The following GPC6 variants were observed in gnomAD, a reference collection of about 807,000 sequenced individuals.
GPC6 encodes glypican 6.
A neutral mutation model predicts 55.2 loss-of-function variants in GPC6; 14 were observed. The observed-to-expected ratio is 0.25, with a 90% CI of 0.17 to 0.40. The LOEUF is 0.40. Ranked by LOEUF, GPC6 falls within the 10% of genes least tolerant of loss-of-function variation. GPC6 has a pLI of 1.00. For missense variants in GPC6, 641 were observed against 708.5 expected, an observed-to-expected ratio of 0.90 and a Z score of 1.08; for synonymous variants, 278 against 259.6, an observed-to-expected ratio of 1.07 and a Z score of -0.68.
intron 3 of GPC6, among the ~76,000 whole-genome samples, chr13:93,883,097 C>T (rs1875095983): frequency 6.6e-6 from 1 of 150,908 alleles, no homozygotes; most frequent in Non-Finnish European, 1.5e-5. Context: ...ACTGCAGCTT[C>T]CTCTTCTGTC....
chr13:93,430,675 A>G (rs1457649028), intron 1 of GPC6, among the ~76,000 whole-genome samples: 1 of 152,162 alleles, frequency 6.6e-6, no homozygotes, highest in Admixed American at 6.6e-5. Context: ...ACCAATAGTA[A>G]TAGCAAACAT....
chr13:93,377,470 T>G (rs1594129181), intron 1 of GPC6, among the ~76,000 whole-genome samples: 2 of 152,138 alleles, frequency 1.3e-5, no homozygotes, highest in East Asian at 3.9e-4. Context: ...CCTAGAGGGA[T>G]TTGTTGGTGG....
At chr13:93,458,602 G>A (rs778571235) in intron 1 of GPC6, among the ~76,000 whole-genome samples, 2 of 152,110 alleles carry the variant, frequency 1.3e-5, no homozygotes, top group Non-Finnish European at 2.9e-5. Flanking sequence ...ATGATGGAAC[G>A]TAGAAAATTG....
chr13:93,677,660 C>T (rs1295970318), intron 2 of GPC6, among the ~76,000 whole-genome samples: 1 of 152,038 alleles, frequency 6.6e-6, no homozygotes, highest in East Asian at 1.9e-4. Context: ...CCACATAAAT[C>T]ACTTTTACTC....
chr13:93,715,851 T>G (rs1353514690), intron 2 of GPC6, among the ~76,000 whole-genome samples: 2 of 151,588 alleles, frequency 1.3e-5, no homozygotes, highest in Non-Finnish European at 3.0e-5. Context: ...CCTACAGAAT[T>G]AGAAATGTAT....
In GPC6 at chr13:93,529,510, CTTTTTTTTTTTT is replaced by C. The variant is rs1165594323; in HGVS notation, c.161-15741_161-15730del. Among the ~76,000 whole-genome samples, 31 of 85,180 alleles carry C rather than the reference CTTTTTTTTTTTT, an allele frequency of 3.6e-4. 1 individual carries two copies. The highest frequency in any genetic ancestry group is 7.0e-4 in the East Asian group (2 of 2,872). 55.9% of individuals were successfully genotyped at this position (85,180 alleles called of 152,430 possible). A position where few individuals can be genotyped will look rare whatever the true frequency, so the allele number is the denominator to read the frequency against. On this transcript the variant is annotated intron_variant, in intron 1 of 8. Transcript: ENST00000377047. The stretch of plus-strand genomic sequence containing the variant: ...TCCTTCCATAGTGGACTCTGAGATT[CTTTTTTTTTTTT>C]TTTTTTTTTTTGAGATGGAGTCTCA...
chr13:93,552,480 GTCTC>G (rs61674043), intron 2 of GPC6, among the ~76,000 whole-genome samples: 2,532 of 146,870 alleles, frequency 0.017, 57 homozygotes, highest in African/African-American at 0.057. Context: ...CTGTCTCTCT[GTCTC>G]TCTCTCTCTC....
At chr13:93,546,597 GA>G (rs1183664148) in intron 2 of GPC6, among the ~76,000 whole-genome samples, 2 of 152,284 alleles carry the variant, frequency 1.3e-5, no homozygotes, top group Non-Finnish European at 2.9e-5. Flanking sequence ...GGATGTATAT[GA>G]AAATAATTTT....
At chr13:93,964,775 G>A (rs1037624118) in intron 3 of GPC6, among the ~76,000 whole-genome samples, 9 of 152,148 alleles carry the variant, frequency 5.9e-5, no homozygotes, top group Admixed American at 6.5e-5. Flanking sequence ...AGTGACTGGC[G>A]TTGTTATCAT....
At chr13:93,339,078 A>G (rs1880145135) in intron 1 of GPC6, among the ~76,000 whole-genome samples, 1 of 152,186 alleles carries the variant, frequency 6.6e-6, no homozygotes, top group Admixed American at 6.5e-5. Context: ...ATCATTTGGA[A>G]ATAGCCCATT....
At chr13:94,114,081 T>A (rs2138843622) in intron 4 of GPC6, among the ~76,000 whole-genome samples, 1 of 136,146 alleles carries the variant, frequency 7.3e-6, no homozygotes, top group Non-Finnish European at 1.5e-5. Flanking sequence ...ACTAAGGTTT[T>A]TACCTTAGCT....
At chr13:94,007,966 G>A (rs1048441942) in intron 3 of GPC6, among the ~76,000 whole-genome samples, 1 of 151,992 alleles carries the variant, frequency 6.6e-6, no homozygotes, top group Non-Finnish European at 1.5e-5. Flanking sequence ...CCCAAACAAA[G>A]CATCTGTTTT....
At position 93,227,918 on chromosome 13, in the gene GPC6, C is replaced by T. The variant is rs1277352892; in HGVS notation, c.160+302C>T. ...GGCTCAGGCCCGGCTGGCCAGGGAG[C>T]CCGGGTCACTCCGGGGCGGCTGCAA... On this transcript the variant is annotated intron_variant, in intron 1 of 8. Transcript: ENST00000377047. The surrounding 1 kb of genome is among the most constrained non-coding windows in gnomAD (Gnocchi z 4.3). Among the ~76,000 whole-genome samples the T allele has an allele frequency of 1.3e-5, 2 of 152,140 alleles. No individual in the cohort carries two copies. The highest frequency in any genetic ancestry group is 1.9e-4 in the East Asian group (1 of 5,130).
chr13:93,801,738 T>C (rs1009261509), intron 2 of GPC6, among the ~76,000 whole-genome samples: 3 of 152,214 alleles, frequency 2.0e-5, no homozygotes, highest in African/African-American at 4.8e-5. Flanking sequence ...AAGGGTCCAA[T>C]TGGGAATTCT....
chr13:93,302,339 T>C (rs567246662), intron 1 of GPC6, among the ~76,000 whole-genome samples: 2 of 152,334 alleles, frequency 1.3e-5, no homozygotes, highest in South Asian at 4.1e-4. Flanking sequence ...ATTTCTGGAA[T>C]ACCATCCATG....
At chr13:93,892,090 TAC>T (rs1166159170) in intron 3 of GPC6, among the ~76,000 whole-genome samples, 1 of 152,214 alleles carries the variant, frequency 6.6e-6, no homozygotes, top group East Asian at 1.9e-4. Context: ...ACACTACACA[TAC>T]ACACATATAT....
intron 1 of GPC6, among the ~76,000 whole-genome samples, chr13:93,477,917 C>G (rs12871207): frequency 0.24 from 37,069 of 151,926 alleles, 4,938 homozygotes; most frequent in Middle Eastern, 0.32. Context: ...AACATAGTAC[C>G]GTATATGAGC....
chr13:93,642,278 G>A (rs1879982946), intron 2 of GPC6, among the ~76,000 whole-genome samples: 1 of 152,068 alleles, frequency 6.6e-6, no homozygotes, highest in Non-Finnish European at 1.5e-5. Context: ...GTTCACTTAA[G>A]ATAATGGCCT....
intron 4 of GPC6, among the ~76,000 whole-genome samples, chr13:94,043,931 G>A (rs955299008): frequency 6.6e-6 from 1 of 151,742 alleles, no homozygotes; most frequent in Admixed American, 6.6e-5. Flanking sequence ...ATATTCATTG[G>A]TAATAGAATT....
Sources: gnomAD v4.1 joint callset for allele counts (sites outside exome capture counted in the v4.1 genomes callset) on GRCh38, gnomAD v4.1.1 for gene constraint, Gnocchi (gnomAD v3.1) non-coding constraint, MANE v1.5 for transcripts, NCBI Gene and HGNC (gene_info 2026-07-23, HGNC 2026-07-21) for gene names.